ZBBX: variants seen among roughly 807,000 people sequenced by gnomAD.
The protein encoded by ZBBX is zinc finger B-box domain-containing protein 1.
ZBBX carries 101 observed loss-of-function variants against 108.5 expected under a neutral mutation model. The observed-to-expected ratio is 0.93, with a 90% CI of 0.79 to 1.10. The LOEUF is 1.10. Ranked by LOEUF, ZBBX falls within the 50% of genes least tolerant of loss-of-function variation. ZBBX has a pLI of 0.00. For missense variants in ZBBX, 1,009 were observed against 941.4 expected (o/e 1.07, Z -0.94); for synonymous variants, 356 against 323.4 (o/e 1.10, Z -1.08).
rs1720397164 is a variant in ZBBX, at chr3:167,239,862, G to T, written c.*931C>A. On this transcript the variant is annotated 3_prime_UTR_variant, in exon 22 of 22. Transcript: ENST00000675490. ...ACTGAGTAATTTATAAAGGACAGAGGTTTAATTGACTCACAGTTCAGCATG... is the reference window on the plus strand; with the variant it reads ...ACTGAGTAATTTATAAAGGACAGAGTTTTAATTGACTCACAGTTCAGCATG... 6.6e-6 allele frequency among the ~76,000 whole-genome samples: 1 copy of T among 152,074 alleles called. No homozygotes were observed.
intron 9 of ZBBX, among the ~76,000 whole-genome samples, chr3:167,340,235 A>G (rs1650360679): frequency 6.6e-6 from 1 of 152,064 alleles, no homozygotes; most frequent in Non-Finnish European, 1.5e-5. Context: ...TTGGAGCTAT[A>G]AGGAAATTAC....
At chr3:167,267,504 G>A (rs1202686505) in intron 20 of ZBBX, among the ~76,000 whole-genome samples, 1 of 152,124 alleles carries the variant, frequency 6.6e-6, no homozygotes, top group Non-Finnish European at 1.5e-5. Context: ...TAGTCCCCTA[G>A]GTCTCATGTT....
At chr3:167,276,300 G>A (rs972952870) in intron 20 of ZBBX, among the ~76,000 whole-genome samples, 4 of 151,420 alleles carry the variant, frequency 2.6e-5, no homozygotes, top group South Asian at 2.1e-4. Context: ...TCCGCGCTAC[G>A]GGAGAACATT....
chr3:167,327,180 A>C (rs1209498677), intron 11 of ZBBX, among the ~76,000 whole-genome samples: 1 of 151,998 alleles, frequency 6.6e-6, no homozygotes, highest in Non-Finnish European at 1.5e-5. Flanking sequence ...AAAAGAAACA[A>C]AAACAATGAG....
upstream of ZBBX, among the ~76,000 whole-genome samples, chr3:167,383,014 C>A (rs1200959321): frequency 3.7e-4 from 57 of 152,044 alleles, no homozygotes; most frequent in Non-Finnish European, 1.5e-5. Flanking sequence ...ACCAGCTTTA[C>A]CATTCTAATA....
the ZBBX span, among the ~76,000 whole-genome samples, chr3:167,212,108 G>A: frequency 2.0e-5 from 3 of 152,034 alleles, no homozygotes; most frequent in Admixed American, 2.0e-4. Flanking sequence ...CCCTCCCTGG[G>A]ACAAAGCTCC....
chr3:167,281,596 GT>G, intron 20 of ZBBX, among the ~76,000 whole-genome samples: 1 of 152,276 alleles, frequency 6.6e-6, no homozygotes, highest in East Asian at 1.9e-4. Context: ...TTCCCCTGAT[GT>G]TTTGCTACTG....
intron 12 of ZBBX, among the ~76,000 whole-genome samples, chr3:167,321,256 T>C (rs1736396797): frequency 6.6e-6 from 1 of 151,968 alleles, no homozygotes; most frequent in Non-Finnish European, 1.5e-5. Flanking sequence ...TTAACCTATC[T>C]AGCAGAGGCT....
intron 1 of ZBBX, chr3:167,392,989 T>G (rs1748122663): frequency 6.6e-6 from 1 of 151,804 alleles, no homozygotes; most frequent in African/African-American, 2.4e-5. Flanking sequence ...GAGGAATAAA[T>G]GTAGGATATT....
the ZBBX span, among the ~76,000 whole-genome samples, chr3:167,233,753 T>G: frequency 4.0e-5 from 6 of 150,186 alleles, no homozygotes; most frequent in African/African-American, 1.5e-4. Flanking sequence ...CTTGGAATAG[T>G]TTCAATGAAT....
At chr3:167,310,173 T>C (rs748852477) in intron 16 of ZBBX, among the ~76,000 whole-genome samples, 6 of 152,198 alleles carry the variant, frequency 3.9e-5, no homozygotes, top group Non-Finnish European at 7.3e-5. Flanking sequence ...GTTACTTCAG[T>C]TCCCAATAAG....
the ZBBX span, among the ~76,000 whole-genome samples, chr3:167,208,065 G>A: frequency 2.0e-5 from 3 of 152,284 alleles, no homozygotes; most frequent in Middle Eastern, 3.4e-3. Context: ...TGTCACAGTG[G>A]AAAGCAACAT....
chr3:167,389,957 TGTTTA>T (rs1164629052), intron 1 of ZBBX, among the ~76,000 whole-genome samples: 2 of 152,316 alleles, frequency 1.3e-5, no homozygotes, highest in East Asian at 3.9e-4. Flanking sequence ...GTGCAGAAGC[TGTTTA>T]GTTTAATTAA....
At chr3:167,262,181 G>T (rs1724659713) in intron 20 of ZBBX, among the ~76,000 whole-genome samples, 2 of 135,004 alleles carry the variant, frequency 1.5e-5, no homozygotes, top group South Asian at 2.6e-4. Flanking sequence ...CACTTCAACA[G>T]TTGGGGCACT....
At chr3:167,311,992 T>C (rs1734673391) in intron 16 of ZBBX, among the ~76,000 whole-genome samples, 1 of 152,222 alleles carries the variant, frequency 6.6e-6, no homozygotes, top group Non-Finnish European at 1.5e-5. Context: ...TGAATATTTA[T>C]AGTAGTTTTG....
chr3:167,267,414 C>CCCTA (rs946751969), intron 20 of ZBBX, among the ~76,000 whole-genome samples: 3 of 152,116 alleles, frequency 2.0e-5, no homozygotes, highest in Admixed American at 6.5e-5. Context: ...TTGAGCCTAA[C>CCCTA]TAGGACCCAA....
rs1576926798 is a variant in ZBBX, at chr3:167,298,177, T to C, written c.1879+128A>G. The C allele has an allele frequency of 2.3e-5, 14 of 619,706 alleles. No individual in the cohort carries two copies. The East Asian group carries it at 4.5e-4, about 20-fold the overall frequency. 38.4% of individuals were successfully genotyped at this position (619,706 alleles called of 1,614,324 possible). A position where few individuals can be genotyped will look rare whatever the true frequency, so the allele number is the denominator to read the frequency against. ...GATAGTAACCTTAAATGTAAATATA[T>C]GGCAACTAATACAAGGTTAATAATT... is the stretch of plus-strand genomic sequence containing the variant. On this transcript the variant is annotated intron_variant, in intron 18 of 21. Transcript: ENST00000675490.
chr3:167,344,199 C>T (rs1741048008), intron 9 of ZBBX, among the ~76,000 whole-genome samples: 1 of 151,510 alleles, frequency 6.6e-6, no homozygotes, highest in Admixed American at 6.6e-5. Flanking sequence ...AGTATTGGTC[C>T]CGAGAATATA....
At chr3:167,360,262 A>T (rs922649875) in intron 7 of ZBBX, among the ~76,000 whole-genome samples, 1 of 150,224 alleles carries the variant, frequency 6.7e-6, no homozygotes, top group African/African-American at 2.4e-5. Context: ...GAATTATTAT[A>T]AATTCAAATT....
Sources: gnomAD v4.1 joint callset for allele counts (sites outside exome capture counted in the v4.1 genomes callset) on GRCh38, gnomAD v4.1.1 for gene constraint, MANE v1.5 for transcripts, NCBI Gene and HGNC (gene_info 2026-07-23, HGNC 2026-07-21) for gene names.